The following PPP2R2A variants were observed in gnomAD, a reference collection of about 807,000 sequenced individuals.
PPP2R2A encodes the protein protein phosphatase 2 regulatory subunit Balpha.
Under a neutral mutation model 53.2 loss-of-function variants are expected in PPP2R2A, and 9 were observed. The ratio of observed to expected loss-of-function variants is 0.17; its 90% CI spans 0.10 to 0.30. The LOEUF (loss-of-function observed/expected upper bound fraction) is 0.30. Ranked by LOEUF, PPP2R2A falls within the 10% of genes least tolerant of loss-of-function variation. PPP2R2A has a pLI of 1.00. For synonymous variants in PPP2R2A, 169 were observed against 174.2 expected (o/e 0.97, Z 0.23); for missense variants, 235 against 534.6 (o/e 0.44, Z 5.53).
At chr8:26,369,782 G>C (rs914166747) in intron 9 of PPP2R2A, among the ~76,000 whole-genome samples, 4 of 152,190 alleles carry the variant, frequency 2.6e-5, no homozygotes, top group African/African-American at 9.7e-5. Context: ...GAACCTGTGA[G>C]TTCCACAGAT....
At chr8:26,336,177 A>G (rs917539629) in intron 2 of PPP2R2A, among the ~76,000 whole-genome samples, 39 of 152,124 alleles carry the variant, frequency 2.6e-4, no homozygotes, top group African/African-American at 9.4e-4. Flanking sequence ...TAATCCCAGC[A>G]CTTTGGGAGG....
At chr8:26,306,661 T>A (rs1802038424) in intron 2 of PPP2R2A, among the ~76,000 whole-genome samples, 1 of 152,000 alleles carries the variant, frequency 6.6e-6, no homozygotes, top group Admixed American at 6.6e-5. Flanking sequence ...ATTTTTATGT[T>A]TTAGTAACTA....
intron 2 of PPP2R2A, among the ~76,000 whole-genome samples, chr8:26,325,122 A>G (rs1002028266): frequency 7.9e-5 from 12 of 151,354 alleles, no homozygotes; most frequent in Non-Finnish European, 1.6e-4. Context: ...ATGTGAGGAC[A>G]TGAGATTTGG....
chr8:26,307,248 A>G (rs768066142), intron 2 of PPP2R2A, among the ~76,000 whole-genome samples: 3 of 152,226 alleles, frequency 2.0e-5, no homozygotes, highest in Non-Finnish European at 4.4e-5. Context: ...TAAAATCTAT[A>G]ATATCTAAGA....
chr8:26,312,049 C>T (rs887697629), intron 2 of PPP2R2A, among the ~76,000 whole-genome samples: 1 of 150,906 alleles, frequency 6.6e-6, no homozygotes, highest in Admixed American at 6.6e-5. Context: ...TTCTCTTTCT[C>T]CTCGTTCTTC....
rs1399206726 is a variant in PPP2R2A at position 26,321,146 on chromosome 8, C to T, written c.83-17744C>T. On this transcript the variant is annotated intron_variant, in intron 2 of 9. Coordinates refer to ENST00000380737, the MANE Select transcript of PPP2R2A (RefSeq NM_002717.4). This position sits in a 1 kb window ranked among gnomAD's most constrained non-coding sequence, Gnocchi z 4.1. ...CATCGTGAGAGAAGGCCTTAGTGTT[C>T]ATTTCTGTGGTTGTGAAGCGCTAGT... Among the ~76,000 whole-genome samples the T allele has an allele frequency of 6.6e-6, 1 of 152,164 alleles. No individual in the cohort carries two copies. Among genetic ancestry groups the T allele is most frequent in the Non-Finnish European group, 1.5e-5 (1 of 68,024 alleles).
chr8:26,300,158 CAT>C (rs1256740966), intron 2 of PPP2R2A, among the ~76,000 whole-genome samples: 5 of 152,076 alleles, frequency 3.3e-5, no homozygotes, highest in African/African-American at 1.2e-4. Context: ...CCATTGAAAA[CAT>C]ATTGCTGACA....
chr8:26,312,128 G>C (rs1314612069), intron 2 of PPP2R2A, among the ~76,000 whole-genome samples: 1 of 152,130 alleles, frequency 6.6e-6, no homozygotes, highest in African/African-American at 2.4e-5. Context: ...AATATATTTA[G>C]AGCCCTTGGA....
chr8:26,361,732 G>T (rs1805094119), intron 6 of PPP2R2A, among the ~76,000 whole-genome samples: 1 of 152,004 alleles, frequency 6.6e-6, no homozygotes, highest in Non-Finnish European at 1.5e-5. Context: ...GGTCAAGGTG[G>T]GTGGATCACC....
intron 8 of PPP2R2A, 103 bp downstream of exon 8, chr8:26,363,993 T>C: frequency 9.3e-7 from 1 of 1,080,146 alleles, no homozygotes; most frequent in Non-Finnish European, 1.3e-6. Context: ...TGGTGTTTGT[T>C]CACCATTAGG....
At chr8:26,330,266 C>A (rs971117654) in intron 2 of PPP2R2A, among the ~76,000 whole-genome samples, 2 of 150,424 alleles carry the variant, frequency 1.3e-5, no homozygotes, top group African/African-American at 4.9e-5. Flanking sequence ...TTTTGTCTTT[C>A]GTCTTTTATT....
chr8:26,339,764 T>TAA (rs1803852954), intron 3 of PPP2R2A: 2 of 152,076 alleles, frequency 1.3e-5, no homozygotes, highest in Admixed American at 1.3e-4. Context: ...TTTAAAAAGT[T>TAA]TAAAGTAATG....
intron 2 of PPP2R2A, among the ~76,000 whole-genome samples, chr8:26,309,403 T>G (rs1167666160): frequency 6.6e-6 from 1 of 152,200 alleles, no homozygotes; most frequent in Non-Finnish European, 1.5e-5. Context: ...TCAGCTAGGC[T>G]TTTTTCTAGA....
At position 26,321,682 on chromosome 8, in the gene PPP2R2A, G is replaced by A. The variant is rs957346154; in HGVS notation, c.83-17208G>A. 1.3e-5 allele frequency among the ~76,000 whole-genome samples: 2 copies of A among 152,190 alleles called. No individual in the cohort carries two copies. Among genetic ancestry groups the A allele is most frequent in the Admixed American group, 1.3e-4 (2 of 15,270 alleles). On this transcript the variant is annotated intron_variant, in intron 2 of 9. Coordinates refer to ENST00000380737, the MANE Select transcript of PPP2R2A (RefSeq NM_002717.4). The surrounding 1 kb of genome is among the most constrained non-coding windows in gnomAD (Gnocchi z 4.1). ...GACACCTGTCAGCAGCCAGGCGCAC[G>A]AGCTTGGAAGTAGATCTCCTCCTCC...
At position 26,360,048 on chromosome 8, in the gene PPP2R2A, T is replaced by G; in HGVS notation, c.347-121T>G. 1.9e-6 allele frequency: 1 copy of G among 525,348 alleles called. No individual in the cohort carries two copies. The highest frequency in any genetic ancestry group is 3.2e-6 in the Non-Finnish European group (1 of 312,254). The allele number at this position is 525,348 out of a possible 1,614,324, so 32.5% of individuals were successfully genotyped here. A position where few individuals can be genotyped will look rare whatever the true frequency, so the allele number is the denominator to read the frequency against. On this transcript the variant is annotated intron_variant, in intron 4 of 9. Transcript: ENST00000380737. This position sits in a 1 kb window ranked among gnomAD's most constrained non-coding sequence, Gnocchi z 4.5. Reference sequence around the variant, plus strand: ...TAGGAAATTTTTTAGTAAGTTCAGATTAGGGTTTTTTTTTTTTTCGTGGAA... The same window carrying G: ...TAGGAAATTTTTTAGTAAGTTCAGAGTAGGGTTTTTTTTTTTTTCGTGGAA...
At chr8:26,316,317 T>C (rs1003153683) in intron 2 of PPP2R2A, among the ~76,000 whole-genome samples, 4 of 152,160 alleles carry the variant, frequency 2.6e-5, no homozygotes, top group Admixed American at 1.3e-4. Context: ...TTGTGTACTG[T>C]TTTTAATGGC....
chr8:26,354,444 C>T lies in PPP2R2A; in HGVS notation c.181-24C>T. ...TTTGAAATATTTTTCAACAATGGTCCATATATTTTTGTTTTCATTTTAGAA... is the reference window on the plus strand; with the variant it reads ...TTTGAAATATTTTTCAACAATGGTCTATATATTTTTGTTTTCATTTTAGAA... On this transcript the variant is annotated intron_variant, in intron 3 of 9. Coordinates refer to ENST00000380737, the MANE Select transcript of PPP2R2A (RefSeq NM_002717.4). This position sits in a 1 kb window ranked among gnomAD's most constrained non-coding sequence, Gnocchi z 4.6. The T allele has an allele frequency of 6.8e-7, 1 of 1,473,664 alleles. No individual in the cohort carries two copies. 91.3% of individuals were successfully genotyped at this position (1,473,664 alleles called of 1,614,324 possible).
At chr8:26,352,075 C>A (rs1804548178) in intron 3 of PPP2R2A, among the ~76,000 whole-genome samples, 1 of 152,128 alleles carries the variant, frequency 6.6e-6, no homozygotes, top group African/African-American at 2.4e-5. Context: ...AGATGATTCT[C>A]ATAGTGATCA....
At chr8:26,319,899 T>C (rs988566263) in intron 2 of PPP2R2A, among the ~76,000 whole-genome samples, 1 of 152,222 alleles carries the variant, frequency 6.6e-6, no homozygotes, top group African/African-American at 2.4e-5. Context: ...TATTCCTTAG[T>C]ATTTTATTCA....
Sources: gnomAD v4.1 joint callset for allele counts (sites outside exome capture counted in the v4.1 genomes callset) on GRCh38, gnomAD v4.1.1 for gene constraint, Gnocchi (gnomAD v3.1) non-coding constraint, MANE v1.5 for transcripts, NCBI Gene and HGNC (gene_info 2026-07-23, HGNC 2026-07-21) for gene names.